Variants in TANK observed in about 807,000 individuals in gnomAD.
TANK encodes TRAF family member associated NFKB activator, also known as TRAF family member-associated NF-kappa-B activator.
TANK carries 15 observed loss-of-function variants against 43.6 expected under a neutral mutation model. That is an observed-to-expected ratio of 0.34 (90% CI 0.23 to 0.53). The LOEUF is 0.53. TANK is among the 20% of genes least tolerant of loss of function. TANK has a pLI of 0.94. For synonymous variants in TANK, 162 were observed against 178.2 expected, an observed-to-expected ratio of 0.91 and a Z score of 0.73; for missense variants, 417 against 498.6, an observed-to-expected ratio of 0.84 and a Z score of 1.56.
intron 4 of TANK, among the ~76,000 whole-genome samples, chr2:161,206,113 G>A (rs1284685449): frequency 6.6e-6 from 1 of 151,888 alleles, no homozygotes; most frequent in Non-Finnish European, 1.5e-5. Context: ...GAATAATGAG[G>A]GCTTCAGCAG....
chr2:161,185,727 G>C (rs1022885170), intron 2 of TANK, among the ~76,000 whole-genome samples: 6 of 108,754 alleles, frequency 5.5e-5, no homozygotes, highest in Non-Finnish European at 1.1e-4. Context: ...TGGGGGGAGG[G>C]GGGAGGGATA....
At chr2:161,139,862 C>G (rs1303873858) in intron 1 of TANK, 1 of 985,292 alleles carries the variant, frequency 1.0e-6, no homozygotes, top group Non-Finnish European at 1.2e-6. Flanking sequence ...TATGACAGTG[C>G]TAGCTGCAGA....
chr2:161,161,922 C>T (rs1684456919), intron 1 of TANK: 1 of 152,146 alleles, frequency 6.6e-6, no homozygotes, highest in South Asian at 2.1e-4. Flanking sequence ...GAAGGTAGTC[C>T]CCACTCAAAA....
At chr2:161,193,948 A>G (rs1255390809) in intron 2 of TANK, among the ~76,000 whole-genome samples, 1 of 152,200 alleles carries the variant, frequency 6.6e-6, no homozygotes, top group Non-Finnish European at 1.5e-5. Context: ...CTTTTGGCTG[A>G]CTACGCCAAA....
chr2:161,189,164 A>C (rs1685801495), intron 2 of TANK, among the ~76,000 whole-genome samples: 1 of 152,244 alleles, frequency 6.6e-6, no homozygotes, highest in Non-Finnish European at 1.5e-5. Context: ...CAAATCCAAC[A>C]GCATATTAAA....
intron 1 of TANK, chr2:161,163,113 G>A (rs949888471): frequency 1.5e-4 from 23 of 152,162 alleles, no homozygotes; most frequent in African/African-American, 5.3e-4. Flanking sequence ...ATTTTTGCTA[G>A]GTTTTGGTAT....
chr2:161,182,614 A>C (rs1465611005), intron 2 of TANK, among the ~76,000 whole-genome samples: 1 of 152,100 alleles, frequency 6.6e-6, no homozygotes, highest in East Asian at 1.9e-4. Context: ...CAGCACGTGG[A>C]TGAGTTCTTC....
rs1462900632 is a variant in TANK, at chr2:161,144,615, G to A, written c.-50+7552G>A. Reference sequence around the variant, plus strand: ...TTTCCATGTAGTTGTGTCATTTTGAGTGAGTTTCTTAATCCTGATTTCTAA... The same window carrying A: ...TTTCCATGTAGTTGTGTCATTTTGAATGAGTTTCTTAATCCTGATTTCTAA... On this transcript the variant is annotated intron_variant, in intron 1 of 7. Coordinates refer to the TANK transcript ENST00000259075. 3.9e-5 allele frequency among the ~76,000 whole-genome samples: 6 copies of A among 152,136 alleles called. No individual in the cohort carries two copies. The East Asian group carries it at 9.6e-4, about 24-fold the overall frequency.
chr2:161,177,929 C>T (rs1047986852), intron 1 of TANK, among the ~76,000 whole-genome samples: 38 of 152,178 alleles, frequency 2.5e-4, no homozygotes, highest in African/African-American at 8.7e-4. Context: ...GAAAGATGCT[C>T]GTCATTAGGG....
chr2:161,206,057 T>A (rs992936077), intron 4 of TANK, among the ~76,000 whole-genome samples: 5 of 152,008 alleles, frequency 3.3e-5, no homozygotes, highest in Non-Finnish European at 5.9e-5. Flanking sequence ...AGAAAAACGA[T>A]CACCTCTAGA....
At chr2:161,142,628 T>C (rs1683783669) in intron 1 of TANK, among the ~76,000 whole-genome samples, 1 of 152,076 alleles carries the variant, frequency 6.6e-6, no homozygotes, top group South Asian at 2.1e-4. Context: ...GATCAGATGG[T>C]TGTAGATGTG....
chr2:161,203,716 G>C, intron 3 of TANK, 121 bp downstream of exon 3: 3 of 626,698 alleles, frequency 4.8e-6, no homozygotes, highest in South Asian at 4.2e-5. Context: ...TATAACTGTG[G>C]TACAGTTATA....
chr2:161,222,424 C>T (rs1574060533), intron 4 of TANK, among the ~76,000 whole-genome samples: 1 of 152,018 alleles, frequency 6.6e-6, no homozygotes, highest in East Asian at 1.9e-4. Flanking sequence ...TAATATACCT[C>T]TTCTCTGATT....
intron 1 of TANK, among the ~76,000 whole-genome samples, chr2:161,172,947 C>T (rs529939816): frequency 1.7e-4 from 26 of 152,258 alleles, no homozygotes; most frequent in African/African-American, 5.1e-4. Context: ...TTGTCTCCCT[C>T]GCTAGTTTGT....
intron 1 of TANK, among the ~76,000 whole-genome samples, chr2:161,138,653 T>C (rs1683655913): frequency 6.6e-6 from 1 of 152,206 alleles, no homozygotes; most frequent in African/African-American, 2.4e-5. Flanking sequence ...GTATACCCAG[T>C]CTAACCTGCC....
intron 2 of TANK, 137 bp downstream of exon 2, chr2:161,179,898 G>A: frequency 7.8e-7 from 1 of 1,280,284 alleles, no homozygotes; most frequent in Non-Finnish European, 1.0e-6. Context: ...ATATATTAAT[G>A]GATTAAATTT....
chr2:161,227,429 C>T (rs1312145637), intron 6 of TANK, among the ~76,000 whole-genome samples: 1 of 152,184 alleles, frequency 6.6e-6, no homozygotes, highest in Non-Finnish European at 1.5e-5. Context: ...CACAAATCTA[C>T]AGTTAGGTTG....
intron 6 of TANK, among the ~76,000 whole-genome samples, chr2:161,228,337 C>T (rs1687734768): frequency 1.3e-5 from 2 of 152,038 alleles, no homozygotes; most frequent in Admixed American, 1.3e-4. Context: ...TTCGAGACCA[C>T]CCTGACCAAC....
chr2:161,164,452 G>A (rs910705451), intron 1 of TANK, among the ~76,000 whole-genome samples: 1 of 152,076 alleles, frequency 6.6e-6, no homozygotes, highest in Non-Finnish European at 1.5e-5. Context: ...GAAAGAGGAG[G>A]CTATTATTTA....
Sources: allele counts gnomAD v4.1 joint callset (sites outside exome capture counted in the v4.1 genomes callset), GRCh38; gene constraint gnomAD v4.1.1; transcripts MANE v1.5; gene names NCBI Gene and HGNC (gene_info 2026-07-23, HGNC 2026-07-21).